The following ERMP1 variants were observed in gnomAD, a reference collection of about 807,000 sequenced individuals.
The protein encoded by ERMP1 is endoplasmic reticulum metallopeptidase 1, also known as Felix-ina.
Under a neutral mutation model 92.0 loss-of-function variants are expected in ERMP1, and 86 were observed. The ratio of observed to expected loss-of-function variants is 0.93; its 90% CI spans 0.79 to 1.12. ERMP1 has a LOEUF of 1.12. ERMP1 is among the 50% of genes most tolerant of loss of function. The pLI is 0.00. For missense variants in ERMP1, 1,342 were observed against 1,116.3 expected, an observed-to-expected ratio of 1.20 and a Z score of -2.88; for synonymous variants, 530 against 412.8, an observed-to-expected ratio of 1.28 and a Z score of -3.44.
intron 2 of ERMP1, among the ~76,000 whole-genome samples, chr9:5,825,471 T>C (rs1384362594): frequency 6.6e-6 from 1 of 152,168 alleles, no homozygotes; most frequent in Non-Finnish European, 1.5e-5. Flanking sequence ...AGTCACTCAA[T>C]TAGTGTCTGC....
intron 6 of ERMP1, among the ~76,000 whole-genome samples, chr9:5,841,745 T>G (rs913068385): frequency 2.0e-5 from 3 of 152,200 alleles, no homozygotes; most frequent in Admixed American, 1.3e-4. Context: ...GAGCCAAGAT[T>G]GCGCCAATGT....
intron 13 of ERMP1, among the ~76,000 whole-genome samples, chr9:5,787,939 G>A (rs895578055): frequency 1.3e-5 from 2 of 152,206 alleles, no homozygotes; most frequent in African/African-American, 2.4e-5. Flanking sequence ...ACTGCGAAGT[G>A]CTGTAACAGT....
At chr9:5,801,997 A>G (rs1056708873) in intron 10 of ERMP1, among the ~76,000 whole-genome samples, 1 of 152,204 alleles carries the variant, frequency 6.6e-6, no homozygotes, top group Non-Finnish European at 1.5e-5. Flanking sequence ...AAAAACTGTA[A>G]AGGACACACA....
intron 2 of ERMP1, among the ~76,000 whole-genome samples, chr9:5,829,570 C>A (rs1206660975): frequency 2.0e-5 from 3 of 152,192 alleles, no homozygotes; most frequent in Non-Finnish European, 4.4e-5. Context: ...CCAAGCAACA[C>A]TATTAGGAAA....
intron 2 of ERMP1, among the ~76,000 whole-genome samples, chr9:5,826,102 T>C (rs1389616583): frequency 2.0e-5 from 3 of 152,122 alleles, no homozygotes; most frequent in African/African-American, 7.2e-5. Context: ...TGCTTCAAAA[T>C]AATCAAGAAG....
rs745594980 is a variant in ERMP1 at position 5,805,637 on chromosome 9, C to A, written c.1697G>T (p.Cys566Phe). 2.5e-6 allele frequency: 4 copies of A among 1,605,470 alleles called. No individual in the cohort carries two copies. The highest frequency in any genetic ancestry group is 2.2e-5 in the South Asian group (2 of 89,540). The change falls in exon 9 of 15, where the codon TGT (cysteine) becomes TTT (phenylalanine). Residue 566 changes from cysteine (C) to phenylalanine (F), a missense_variant. Physicochemically the swap from Cys to Phe is radical, Grantham distance 205. Coordinates refer to ENST00000339450, the MANE Select transcript of ERMP1 (RefSeq NM_024896.3). ...WVAFPLLTKL[C>F]VHKDFKQHGA... is the part of the protein sequence containing the mutation. Reference sequence around the variant, plus strand: ...ATGCTGCTTGAAGTCCTTATGCACACAGAGCTTTGTGAGCAATGGGAATGC... The same window carrying A: ...ATGCTGCTTGAAGTCCTTATGCACAAAGAGCTTTGTGAGCAATGGGAATGC...
chr9:5,797,954 G>T, intron 12 of ERMP1, 22 bp from the exon 13 acceptor site: 1 of 1,449,678 alleles, frequency 6.9e-7, no homozygotes, highest in Non-Finnish European at 9.7e-7. Context: ...GGAAGCTTCA[G>T]TTTTAGGGTG....
chr9:5,866,454 C>T (rs146215356), intron 5 of ERMP1, among the ~76,000 whole-genome samples: 24 of 152,218 alleles, frequency 1.6e-4, no homozygotes, highest in African/African-American at 5.5e-4. Flanking sequence ...GGGGGCTGTG[C>T]GAGAATGCTA....
At chr9:5,791,387 C>A in intron 13 of ERMP1, 1 of 447,660 alleles carries the variant, frequency 2.2e-6, no homozygotes. Context: ...CCTTCACTGA[C>A]GGGATGAGGC....
At chr9:5,853,866 C>A (rs117173889) in intron 6 of ERMP1, among the ~76,000 whole-genome samples, 1 of 151,110 alleles carries the variant, frequency 6.6e-6, no homozygotes, top group African/African-American at 2.4e-5. Context: ...CAGAGACACC[C>A]TGAGTAGCAC....
chr9:5,864,144 T>C (rs905669928), intron 5 of ERMP1, among the ~76,000 whole-genome samples: 2 of 152,216 alleles, frequency 1.3e-5, no homozygotes, highest in African/African-American at 4.8e-5. Context: ...TGTTGGAAAT[T>C]GGTAGCTGAA....
intron 6 of ERMP1, among the ~76,000 whole-genome samples, chr9:5,842,424 G>A (rs1321905166): frequency 7.2e-5 from 9 of 124,576 alleles, no homozygotes; most frequent in Non-Finnish European, 9.7e-5. Context: ...CAGGCAGAAC[G>A]AGACTGTCTC....
chr9:5,848,873 G>C (rs955439688), intron 6 of ERMP1, among the ~76,000 whole-genome samples: 1 of 152,172 alleles, frequency 6.6e-6, no homozygotes, highest in Non-Finnish European at 1.5e-5. Flanking sequence ...GTGTTGGTTT[G>C]AGTGCAGGTG....
At chr9:5,826,970 G>A (rs924256244) in intron 2 of ERMP1, among the ~76,000 whole-genome samples, 20 of 152,230 alleles carry the variant, frequency 1.3e-4, no homozygotes, top group Non-Finnish European at 2.5e-4. Flanking sequence ...AAGTTAAGAG[G>A]ACAGTATCTA....
chr9:5,806,379 G>C (rs1312705720), intron 8 of ERMP1, among the ~76,000 whole-genome samples: 1 of 151,626 alleles, frequency 6.6e-6, no homozygotes, highest in Non-Finnish European at 1.5e-5. Flanking sequence ...AAAGTCCAAG[G>C]GTTCCTATGT....
chr9:5,793,531 C>T (rs1320437060), intron 13 of ERMP1, among the ~76,000 whole-genome samples: 1 of 152,026 alleles, frequency 6.6e-6, no homozygotes, highest in Non-Finnish European at 1.5e-5. Context: ...AACAAGACCC[C>T]ACTATGTGTT....
intron 13 of ERMP1, among the ~76,000 whole-genome samples, chr9:5,795,326 A>T (rs1828374491): frequency 6.6e-6 from 1 of 152,262 alleles, no homozygotes. Flanking sequence ...TGCCTAGATC[A>T]GGAACAAGGC....
chr9:5,787,126 T>TA lies in ERMP1; in HGVS notation c.*17dup. On this transcript the variant is annotated 3_prime_UTR_variant, in exon 15 of 15. Transcript: ENST00000339450. Reference sequence around the variant, plus strand: ...ATGGAGTATCCACTGGGCATGTACTTAGAGCTCATCCACAAGATTAAAATA... The same window carrying TA: ...ATGGAGTATCCACTGGGCATGTACTTAAGAGCTCATCCACAAGATTAAAATA... 2 of 1,607,622 alleles carry TA rather than the reference T, an allele frequency of 1.2e-6. No homozygotes were observed. The highest frequency in any genetic ancestry group is 1.7e-6 in the Non-Finnish European group (2 of 1,176,600).
intron 6 of ERMP1, among the ~76,000 whole-genome samples, chr9:5,852,495 A>G (rs745471458): frequency 5.9e-5 from 9 of 151,986 alleles, no homozygotes; most frequent in Non-Finnish European, 1.0e-4. Flanking sequence ...GGCTCAAGTA[A>G]TCCAGCTGCC....
Sources: allele counts gnomAD v4.1 joint callset (sites outside exome capture counted in the v4.1 genomes callset), GRCh38; gene constraint gnomAD v4.1.1; transcripts MANE v1.5; gene names NCBI Gene and HGNC (gene_info 2026-07-23, HGNC 2026-07-21).